Variants in ZNF571 observed in about 807,000 individuals in gnomAD.
ZNF571 encodes zinc finger protein 571.
ZNF571 carries 4 observed loss-of-function variants against 7.7 expected under a neutral mutation model. That is an observed-to-expected ratio of 0.52 (90% CI 0.25 to 1.18). ZNF571 has a LOEUF of 1.18. Ranked by LOEUF, ZNF571 falls within the 50% of genes most tolerant of loss-of-function variation. ZNF571 has a pLI of 0.14. For synonymous variants in ZNF571, 251 were observed against 232.4 expected, an observed-to-expected ratio of 1.08 and a Z score of -0.73; for missense variants, 704 against 726.9, an observed-to-expected ratio of 0.97 and a Z score of 0.36.
rs111395269 is a variant in ZNF571 at position 37,565,260 on chromosome 19, G to A, written c.1168C>T (p.Pro390Ser). 1.2e-6 allele frequency: 2 copies of A among 1,611,738 alleles called. No individual in the cohort carries two copies. Among genetic ancestry groups the A allele is most frequent in the South Asian group, 2.2e-5 (2 of 90,598 alleles). Residue 390 changes from proline (P) to serine (S), a missense_variant, in exon 4 of 4, where the codon CCT becomes TCT. Pro to Ser is a moderately conservative substitution (Grantham distance 74, BLOSUM62 -1). Coordinates refer to ENST00000451802, the MANE Select transcript of ZNF571 (RefSeq NM_016536.5). ...TTCCCACATTCTTTGCATTTATAAG[G>A]TCTCTCACCTGAATGAACTCTCAGG... ...YHLRVHSGER[P>S]YKCKECGKAF...
intron 3 of ZNF571, among the ~76,000 whole-genome samples, chr19:37,577,661 G>A (rs1240263627): frequency 6.6e-6 from 1 of 152,172 alleles, no homozygotes; most frequent in South Asian, 2.1e-4. Flanking sequence ...AGATCCATGA[G>A]TAGAAGTGAA....
intron 3 of ZNF571, among the ~76,000 whole-genome samples, chr19:37,572,412 A>AT (rs1568347390): frequency 6.6e-6 from 1 of 152,202 alleles, no homozygotes; most frequent in Non-Finnish European, 1.5e-5. Context: ...ATCCTACTCC[A>AT]TCTTGCTCAA....
intron 3 of ZNF571, among the ~76,000 whole-genome samples, chr19:37,579,441 A>C (rs1190804916): frequency 2.6e-5 from 4 of 152,230 alleles, no homozygotes; most frequent in Non-Finnish European, 5.9e-5. Context: ...CTTCTACAGG[A>C]AGCAGCAGTA....
chr19:37,592,645 G>C (rs541617496), intron 1 of ZNF571, among the ~76,000 whole-genome samples: 2 of 152,322 alleles, frequency 1.3e-5, no homozygotes, highest in African/African-American at 2.4e-5. Context: ...ACATCAGACT[G>C]TAAGGGCCTC....
At chr19:37,568,673 CAG>C (rs2042951107) in intron 3 of ZNF571, among the ~76,000 whole-genome samples, 1 of 152,120 alleles carries the variant, frequency 6.6e-6, no homozygotes, top group African/African-American at 2.4e-5. Flanking sequence ...ACCAAAGTCT[CAG>C]AACTGTGCCC....
At chr19:37,578,003 C>T (rs1012370629) in intron 3 of ZNF571, among the ~76,000 whole-genome samples, 2 of 152,184 alleles carry the variant, frequency 1.3e-5, no homozygotes, top group African/African-American at 4.8e-5. Context: ...AGATCAGCGG[C>T]AGCTTGAGAT....
At chr19:37,581,278 AATG>A (rs1341761746) in intron 3 of ZNF571, among the ~76,000 whole-genome samples, 2 of 152,164 alleles carry the variant, frequency 1.3e-5, no homozygotes, top group African/African-American at 4.8e-5. Context: ...TCTTTTTAAT[AATG>A]ATTAGCACAA....
chr19:37,588,318 GATA>G (rs1352235829), intron 1 of ZNF571, among the ~76,000 whole-genome samples: 1 of 151,998 alleles, frequency 6.6e-6, no homozygotes, highest in East Asian at 1.9e-4. Context: ...AAAAATGCCT[GATA>G]ATAAAGAGAA....
intron 3 of ZNF571, among the ~76,000 whole-genome samples, chr19:37,582,637 A>G (rs556750208): frequency 3.3e-5 from 5 of 152,134 alleles, no homozygotes; most frequent in Non-Finnish European, 7.3e-5. Flanking sequence ...CACCACACAG[A>G]TATCTAATGA....
Position 37,565,752 on chromosome 19 carries a change from T to G in ZNF571, c.676A>C (p.Asn226His). ...CGAATAAAAGCTTTCCCACATGCGT[T>G]ACACTGATAAGGTTTTTCATTAGTA... ...IHTNEKPYQC[N>H]ACGKAFIRGS... Residue 226 changes from asparagine to histidine, a missense_variant, in exon 4 of 4, where the codon AAC becomes CAC. Coordinates refer to ENST00000451802, the MANE Select transcript of ZNF571 (RefSeq NM_016536.5). 6.2e-7 allele frequency: 1 copy of G among 1,613,850 alleles called. No homozygotes were observed. Among genetic ancestry groups the G allele is most frequent in the Non-Finnish European group, 8.5e-7 (1 of 1,179,920 alleles).
chr19:37,585,011 G>C (rs372439785), intron 2 of ZNF571: 3 of 151,624 alleles, frequency 2.0e-5, no homozygotes, highest in African/African-American at 7.3e-5. Flanking sequence ...ATGTCTTTGA[G>C]CTCTTAGAAT....
At chr19:37,585,772 T>C (rs922204169) in intron 2 of ZNF571, 1 of 152,344 alleles carries the variant, frequency 6.6e-6, no homozygotes, top group Admixed American at 6.5e-5. Flanking sequence ...AAGGGGACTT[T>C]AGAAGTGCAA....
chr19:37,573,911 T>TC (rs1756198257), intron 3 of ZNF571, among the ~76,000 whole-genome samples: 1 of 152,060 alleles, frequency 6.6e-6, no homozygotes, highest in Non-Finnish European at 1.5e-5. Flanking sequence ...TTCACAGCAA[T>TC]CTGTGCCCTA....
Position 37,584,013 on chromosome 19 carries a change from T to G in ZNF571, c.94A>C (p.Arg32=), listed in dbSNP as rs760556774. The G allele has an allele frequency of 2.5e-6, 4 of 1,613,882 alleles. No homozygotes were observed. In the East Asian group the frequency reaches 8.9e-5, roughly 36 times the overall value. ...CLDPAQRDLY[R]DVMLENYSNL... ...CTGTAGTTCTCCAACATCACATCCC[T>G]GTACAAGTCCCTCTGAGCAGGGTCC... The change falls in exon 3 of 4, where the codon AGG becomes CGG. Residue 32 remains arginine (R), a synonymous_variant. Transcript: ENST00000451802.
In ZNF571 at chr19:37,579,337, G is replaced by A. The variant is rs559006292; in HGVS notation, c.136+4634C>T. On this transcript the variant is annotated intron_variant, in intron 3 of 3. Transcript: ENST00000451802. ...CTTGCCCCATTCCAACTCTGCTGGC[G>A]CCTGACCATTTCCCCCAGGGCCTGA... is the stretch of plus-strand genomic sequence containing the variant. 8.5e-5 allele frequency among the ~76,000 whole-genome samples: 13 copies of A among 152,246 alleles called. No homozygotes were observed. In the South Asian group the frequency reaches 2.1e-3, roughly 24 times the overall value.
intron 1 of ZNF571, among the ~76,000 whole-genome samples, chr19:37,593,560 G>A (rs1301912072): frequency 2.0e-5 from 3 of 152,012 alleles, no homozygotes; most frequent in Non-Finnish European, 2.9e-5. Flanking sequence ...AAAATTAGCC[G>A]GGCATGGTGG....
At position 37,565,103 on chromosome 19, in the gene ZNF571, G is replaced by A. The variant is rs200244064; in HGVS notation, c.1325C>T (p.Thr442Ile). 7.9e-5 allele frequency: 127 copies of A among 1,612,166 alleles called. No individual in the cohort carries two copies. The Admixed American group carries it at 2.1e-3, about 27-fold the overall frequency. The change falls in exon 4 of 4, where the codon ACA (threonine) becomes ATA (isoleucine). Residue 442 changes from threonine (T) to isoleucine (I), a missense_variant. Thr to Ile is a moderately conservative substitution (Grantham distance 89). Transcript: ENST00000451802. ...KQLSEHQRIHTGEKPFECKEC... is the reference protein window; with the variant it reads ...KQLSEHQRIHIGEKPFECKEC... ...CTTACATTCAAAGGGTTTCTCACCT[G>A]TATGAATTCTCTGATGTTCACTAAG...
chr19:37,577,781 G>A (rs1280029608), intron 3 of ZNF571, among the ~76,000 whole-genome samples: 5 of 152,186 alleles, frequency 3.3e-5, no homozygotes, highest in Admixed American at 6.5e-5. Context: ...ACTCAAGATG[G>A]CTGACTAGAA....
intron 1 of ZNF571, among the ~76,000 whole-genome samples, chr19:37,593,651 C>G (rs1056681653): frequency 1.3e-5 from 2 of 152,128 alleles, no homozygotes; most frequent in East Asian, 1.9e-4. Flanking sequence ...TGCAGTGAGC[C>G]GAGACCGCAC....
Sources: allele counts gnomAD v4.1 joint callset (sites outside exome capture counted in the v4.1 genomes callset), GRCh38; gene constraint gnomAD v4.1.1; transcripts MANE v1.5; gene names NCBI Gene and HGNC (gene_info 2026-07-23, HGNC 2026-07-21).